The following CAMK2G variants were observed in gnomAD, a reference collection of about 807,000 sequenced individuals.
CAMK2G encodes the protein calcium/calmodulin-dependent protein kinase type II subunit gamma.
A neutral mutation model predicts 88.7 loss-of-function variants in CAMK2G; 23 were observed. The observed-to-expected ratio is 0.26, with a 90% CI of 0.19 to 0.37. The LOEUF (loss-of-function observed/expected upper bound fraction) is 0.37, where lower values mean the gene tolerates loss of function less well. Ranked by LOEUF, CAMK2G falls within the 10% of genes least tolerant of loss-of-function variation. The pLI, the probability that CAMK2G is intolerant of heterozygous loss-of-function variation, is 1.00. For missense variants in CAMK2G, 476 were observed against 780.8 expected (o/e 0.61, Z 4.65); for synonymous variants, 263 against 294.8 (o/e 0.89, Z 1.11).
intron 13 of CAMK2G, among the ~76,000 whole-genome samples, chr10:73,838,555 C>T (rs1410333723): frequency 6.6e-6 from 1 of 152,244 alleles, no homozygotes; most frequent in African/African-American, 2.4e-5. Context: ...GTCACTATTG[C>T]TGCCACCCTC....
At chr10:73,838,713 G>A (rs1022198574) in intron 13 of CAMK2G, among the ~76,000 whole-genome samples, 2 of 152,158 alleles carry the variant, frequency 1.3e-5, no homozygotes, top group African/African-American at 4.8e-5. Context: ...TTTTTTAAAT[G>A]TGCTGACTCC....
intron 14 of CAMK2G, chr10:73,837,265 T>C (rs1295514114): frequency 3.1e-6 from 2 of 642,126 alleles, no homozygotes; most frequent in African/African-American, 3.6e-5. Context: ...GTCATTCCCA[T>C]CCAGCTAGGG....
At chr10:73,871,795 G>A (rs973881543) in intron 2 of CAMK2G, among the ~76,000 whole-genome samples, 1 of 152,104 alleles carries the variant, frequency 6.6e-6, no homozygotes, top group Non-Finnish European at 1.5e-5. Context: ...CCTACTAGAG[G>A]GATGGAGAGA....
chr10:73,873,214 G>A (rs2095902266), intron 1 of CAMK2G, 131 bp from the exon 2 acceptor site: 3 of 951,036 alleles, frequency 3.2e-6, no homozygotes, highest in Non-Finnish European at 4.9e-6. Context: ...CACACACACC[G>A]GCGCTGTGAC....
At chr10:73,825,391 A>C in intron 15 of CAMK2G, 44 bp from the exon 16 acceptor site, 1 of 1,492,188 alleles carries the variant, frequency 6.7e-7, no homozygotes, top group Non-Finnish European at 9.4e-7. Context: ...AGAGTCCCCA[A>C]GGCCACTCAG....
In CAMK2G at chr10:73,848,920, A is replaced by G; in HGVS notation, c.517+93T>C. 1 of 850,952 alleles carries G rather than the reference A, an allele frequency of 1.2e-6. No homozygotes were observed. The highest frequency in any genetic ancestry group is 2.1e-6 in the Non-Finnish European group (1 of 486,114). 52.7% of individuals were successfully genotyped at this position (850,952 alleles called of 1,614,324 possible). Reference sequence around the variant, plus strand: ...AGAGATCTCGGAGGCCAGGACCATTAAGGGTCTGGCTTCTAGTTCTAATAG... The same window carrying G: ...AGAGATCTCGGAGGCCAGGACCATTGAGGGTCTGGCTTCTAGTTCTAATAG... On this transcript the variant is annotated intron_variant, in intron 7 of 22. Transcript: ENST00000423381. This position sits in a 1 kb window ranked among gnomAD's most constrained non-coding sequence, Gnocchi z 4.5.
In CAMK2G at chr10:73,815,264, G is replaced by A. The variant is rs938238104; in HGVS notation, c.1535-17C>T. 1.9e-6 allele frequency: 3 copies of A among 1,574,240 alleles called. No individual in the cohort carries two copies. The highest frequency in any genetic ancestry group is 3.3e-4 in the Middle Eastern group (2 of 5,992). On this transcript the variant is annotated splice_polypyrimidine_tract_variant and intron_variant, in intron 21 of 22. Transcript: ENST00000423381. Reference sequence around the variant, plus strand: ...TGGACAGGACTGCAGGGCAGGGTGGGGTAGGTAAGAGGACATCAGGCCTGG... The same window carrying A: ...TGGACAGGACTGCAGGGCAGGGTGGAGTAGGTAAGAGGACATCAGGCCTGG...
At chr10:73,819,211 C>A (rs570835697) in intron 19 of CAMK2G, among the ~76,000 whole-genome samples, 1 of 152,276 alleles carries the variant, frequency 6.6e-6, no homozygotes, top group South Asian at 2.1e-4. Flanking sequence ...CCCCCACAGA[C>A]CTGACTTCCG....
At chr10:73,851,342 G>A (rs539863133) in intron 5 of CAMK2G, among the ~76,000 whole-genome samples, 27 of 152,318 alleles carry the variant, frequency 1.8e-4, no homozygotes, top group African/African-American at 5.5e-4. Context: ...GCCTGAGAGC[G>A]TGGGTGAGGG....
chr10:73,866,039 C>A (rs550881654), intron 2 of CAMK2G, among the ~76,000 whole-genome samples: 59 of 152,308 alleles, frequency 3.9e-4, no homozygotes, highest in African/African-American at 1.3e-3. Flanking sequence ...GCAGAGGTGG[C>A]AACAGGAGCA....
chr10:73,851,670 A>C (rs1017655108), intron 5 of CAMK2G, among the ~76,000 whole-genome samples: 6 of 151,436 alleles, frequency 4.0e-5, no homozygotes, highest in Admixed American at 4.0e-4. Context: ...TAGTGCAAAA[A>C]AAAAGTATTT....
At chr10:73,818,654 C>T (rs1197579439) in intron 19 of CAMK2G, 5 of 453,850 alleles carry the variant, frequency 1.1e-5, no homozygotes, top group East Asian at 1.4e-4. Context: ...CCGTCAGCCC[C>T]GCTAGGCCAC....
chr10:73,851,157 G>C (rs1224076524), intron 5 of CAMK2G, among the ~76,000 whole-genome samples: 2 of 152,238 alleles, frequency 1.3e-5, no homozygotes, highest in African/African-American at 4.8e-5. Flanking sequence ...GGCCTCTCAA[G>C]GTTGAGAAAT....
chr10:73,821,466 G>C (rs2088711840), intron 18 of CAMK2G, among the ~76,000 whole-genome samples: 1 of 152,168 alleles, frequency 6.6e-6, no homozygotes, highest in African/African-American at 2.4e-5. Context: ...TTTTAGACTT[G>C]GGGTCAAAGA....
chr10:73,842,345 CCTTCAGAGCCCAG>C lies in CAMK2G; in HGVS notation c.903+100_903+112del. On this transcript the variant is annotated intron_variant, in intron 11 of 22. Transcript: ENST00000423381. This position sits in a 1 kb window ranked among gnomAD's most constrained non-coding sequence, Gnocchi z 4.6. Reference sequence around the variant, plus strand: ...GCCCCCTCCCCTGTGACATGTACAACCTTCAGAGCCCAGCTCCAGCCAGGAGGGGAGCTTCCTT... The same window carrying C: ...GCCCCCTCCCCTGTGACATGTACAACCTCCAGCCAGGAGGGGAGCTTCCTT... The C allele has an allele frequency of 8.7e-7, 1 of 1,144,972 alleles. No homozygotes were observed. The highest frequency in any genetic ancestry group is 1.3e-6 in the Non-Finnish European group (1 of 754,596). 70.9% of individuals were successfully genotyped at this position (1,144,972 alleles called of 1,614,324 possible).
At chr10:73,862,820 T>C (rs2095439461) in intron 2 of CAMK2G, among the ~76,000 whole-genome samples, 1 of 152,220 alleles carries the variant, frequency 6.6e-6, no homozygotes, top group African/African-American at 2.4e-5. Flanking sequence ...CATCCATAGC[T>C]GCCAAGCTAT....
intron 12 of CAMK2G, among the ~76,000 whole-genome samples, chr10:73,840,231 C>T (rs755028324): frequency 5.3e-5 from 8 of 152,162 alleles, no homozygotes; most frequent in Non-Finnish European, 1.0e-4. Context: ...TCACAGTGTG[C>T]TGAGGTGAAA....
rs142973516 is a variant in CAMK2G at position 73,839,889 on chromosome 10, C to T, written c.947-288G>A. On this transcript the variant is annotated intron_variant, in intron 12 of 22. Transcript: ENST00000423381. This position sits in a 1 kb window ranked among gnomAD's most constrained non-coding sequence, Gnocchi z 4.2. ...ACCCCCTCCGGAGGAGGGTCCACAG[C>T]GAAATGCCTGAGCCGGTGAGAGGCA... Among the ~76,000 whole-genome samples, 1 of 152,304 alleles carries T rather than the reference C, an allele frequency of 6.6e-6. No individual in the cohort carries two copies. The highest frequency in any genetic ancestry group is 1.9e-4 in the East Asian group (1 of 5,170).
At chr10:73,829,027 G>A (rs932377063) in intron 14 of CAMK2G, among the ~76,000 whole-genome samples, 6 of 152,134 alleles carry the variant, frequency 3.9e-5, no homozygotes, top group East Asian at 1.9e-4. Flanking sequence ...TCCGTCTGTC[G>A]TTCAACTTTT....
Sources: allele counts gnomAD v4.1 joint callset (sites outside exome capture counted in the v4.1 genomes callset), GRCh38; gene constraint gnomAD v4.1.1; non-coding constraint Gnocchi (gnomAD v3.1); transcripts MANE v1.5; gene names NCBI Gene and HGNC (gene_info 2026-07-23, HGNC 2026-07-21).